Variants in NCKAP5 observed in about 807,000 individuals in gnomAD.
NCKAP5 encodes NCK associated protein 5.
NCKAP5 carries 92 observed loss-of-function variants against 167.0 expected under a neutral mutation model. That is an observed-to-expected ratio of 0.55 (90% CI 0.47 to 0.66). The LOEUF is 0.66. Among genes scored for constraint, NCKAP5 ranks in the 30% least tolerant of loss-of-function variants. The probability of loss-of-function intolerance (pLI) is 0.00; values close to 1 mark genes in which losing one functional copy is unlikely to be tolerated. For synonymous variants in NCKAP5, 891 were observed against 877.4 expected (o/e 1.02, Z -0.27); for missense variants, 2,378 against 2,315.0 (o/e 1.03, Z -0.56).
At chr2:132,820,247 A>G (rs79298480) in intron 11 of NCKAP5, among the ~76,000 whole-genome samples, 2 of 151,396 alleles carry the variant, frequency 1.3e-5, no homozygotes, top group African/African-American at 4.8e-5. Context: ...TTTTTTTTTA[A>G]GAGACAGAGT....
At chr2:133,312,951 C>CT (rs1381318590) in intron 3 of NCKAP5, among the ~76,000 whole-genome samples, 1 of 152,200 alleles carries the variant, frequency 6.6e-6, no homozygotes, top group East Asian at 1.9e-4. Flanking sequence ...CTCACAACAT[C>CT]TTTGAGTCAT....
intron 8 of NCKAP5, among the ~76,000 whole-genome samples, chr2:132,881,822 T>G (rs1189486831): frequency 6.6e-6 from 1 of 152,092 alleles, no homozygotes; most frequent in African/African-American, 2.4e-5. Flanking sequence ...TAATAAGTAA[T>G]TTGTGGGGAG....
chr2:133,097,040 A>G (rs2149663587), intron 6 of NCKAP5, among the ~76,000 whole-genome samples: 1 of 152,310 alleles, frequency 6.6e-6, no homozygotes, highest in East Asian at 1.9e-4. Context: ...GCACCTGACC[A>G]CATTGCCCAC....
At chr2:133,452,284 T>C (rs1396838519) in intron 3 of NCKAP5, among the ~76,000 whole-genome samples, 5 of 152,070 alleles carry the variant, frequency 3.3e-5, no homozygotes, top group Admixed American at 3.3e-4. Context: ...ACCAAAGCAT[T>C]AAATGCAGCC....
At chr2:133,207,677 A>C (rs1390731940) in intron 5 of NCKAP5, among the ~76,000 whole-genome samples, 1 of 152,134 alleles carries the variant, frequency 6.6e-6, no homozygotes, top group East Asian at 1.9e-4. Flanking sequence ...ACAACAACAA[A>C]AAACAAGATG....
intron 5 of NCKAP5, among the ~76,000 whole-genome samples, chr2:133,186,536 G>C (rs567605125): frequency 6.6e-6 from 1 of 151,704 alleles, no homozygotes; most frequent in African/African-American, 2.4e-5. Flanking sequence ...ACTGGTACAA[G>C]TTTTTGTACT....
At chr2:132,795,820 GAAAAA>G (rs55826486) in intron 12 of NCKAP5, among the ~76,000 whole-genome samples, 26 of 85,062 alleles carry the variant, frequency 3.1e-4, no homozygotes, top group African/African-American at 7.8e-4. Flanking sequence ...CCCCGTATCA[GAAAAA>G]AAAAAAAAAA....
intron 4 of NCKAP5, among the ~76,000 whole-genome samples, chr2:133,251,938 G>A (rs1454837552): frequency 6.6e-6 from 1 of 152,158 alleles, no homozygotes; most frequent in African/African-American, 2.4e-5. Context: ...TGAGGCCAGA[G>A]GCCCTGAAAC....
At chr2:133,034,615 G>A (rs2078984150) in intron 6 of NCKAP5, among the ~76,000 whole-genome samples, 1 of 151,978 alleles carries the variant, frequency 6.6e-6, no homozygotes, top group African/African-American at 2.4e-5. Context: ...ATTAAAAATG[G>A]GGGAACAAAG....
intron 14 of NCKAP5, among the ~76,000 whole-genome samples, chr2:132,781,652 C>G (rs1244045284): frequency 6.6e-6 from 1 of 152,186 alleles, no homozygotes; most frequent in African/African-American, 2.4e-5. Context: ...ACATTCATAG[C>G]TCCTAGTGTA....
intron 6 of NCKAP5, among the ~76,000 whole-genome samples, chr2:132,995,070 G>A (rs909792714): frequency 1.3e-5 from 2 of 152,198 alleles, no homozygotes; most frequent in African/African-American, 4.8e-5. Flanking sequence ...CTCTGGGTGA[G>A]TCAGTGAGTG....
intron 3 of NCKAP5, among the ~76,000 whole-genome samples, chr2:133,357,139 G>C (rs1164780295): frequency 6.6e-6 from 1 of 152,090 alleles, no homozygotes; most frequent in African/African-American, 2.4e-5. Flanking sequence ...CTATTACCTA[G>C]TGGGCCCTCA....
chr2:133,563,341 T>C (rs1315360670), intron 1 of NCKAP5, among the ~76,000 whole-genome samples: 2 of 151,940 alleles, frequency 1.3e-5, no homozygotes, highest in East Asian at 3.9e-4. Context: ...GTGACCGAAG[T>C]GGGCAGATCA....
intron 6 of NCKAP5, chr2:133,123,860 G>A: frequency 2.1e-6 from 1 of 469,612 alleles, no homozygotes. Context: ...GGGAGTACAT[G>A]GGTAGAACAT....
At chr2:132,993,857 T>C (rs1227862994) in intron 7 of NCKAP5, among the ~76,000 whole-genome samples, 1 of 152,224 alleles carries the variant, frequency 6.6e-6, no homozygotes, top group Non-Finnish European at 1.5e-5. Context: ...ACCTCTCTTT[T>C]AGTCCTGGCC....
At chr2:133,492,246 A>G (rs556684999) in intron 3 of NCKAP5, among the ~76,000 whole-genome samples, 46 of 151,972 alleles carry the variant, frequency 3.0e-4, no homozygotes, top group African/African-American at 1.0e-3. Context: ...TGCCCCACCC[A>G]CTAATTCAGC....
intron 3 of NCKAP5, among the ~76,000 whole-genome samples, chr2:133,377,564 C>T (rs756081197): frequency 1.1e-4 from 16 of 152,072 alleles, no homozygotes; most frequent in African/African-American, 3.6e-4. Flanking sequence ...AGCATTTCAC[C>T]TCAAAAGCTC....
intron 8 of NCKAP5, among the ~76,000 whole-genome samples, chr2:132,892,539 A>G (rs552585263): frequency 6.6e-6 from 1 of 152,338 alleles, no homozygotes; most frequent in East Asian, 1.9e-4. Context: ...CATGGAGCTA[A>G]AAAATGTAAA....
At chr2:132,986,164 T>A (rs1378315817) in intron 7 of NCKAP5, among the ~76,000 whole-genome samples, 3 of 152,194 alleles carry the variant, frequency 2.0e-5, no homozygotes, top group Non-Finnish European at 4.4e-5. Context: ...GCTGATTAAC[T>A]TCCAGGGTAC....
Sources: gnomAD v4.1 joint callset for allele counts (sites outside exome capture counted in the v4.1 genomes callset) on GRCh38, gnomAD v4.1.1 for gene constraint, MANE v1.5 for transcripts, NCBI Gene and HGNC (gene_info 2026-07-23, HGNC 2026-07-21) for gene names.